Variants in ANOS1 observed in about 807,000 individuals in gnomAD.
ANOS1 encodes anosmin 1, also known as anosmin-1.
Under a neutral mutation model 59.0 loss-of-function variants are expected in ANOS1, and 6 were observed. The observed-to-expected ratio is 0.10, with a 90% CI of 0.06 to 0.20. The LOEUF (loss-of-function observed/expected upper bound fraction) is 0.20. Ranked by LOEUF, ANOS1 falls within the 10% of genes least tolerant of loss-of-function variation. ANOS1 has a pLI of 1.00. For missense variants in ANOS1, 433 were observed against 542.3 expected (o/e 0.80, Z 2.00); for synonymous variants, 217 against 223.4 (o/e 0.97, Z 0.25).
chrX:8,665,699 AT>A (rs1932122616), intron 2 of ANOS1, among the ~76,000 whole-genome samples: 1 of 112,392 alleles, frequency 8.9e-6, no homozygotes, highest in Admixed American at 9.4e-5. Context: ...TCACTTAAAC[AT>A]TTTTTAAATT....
chrX:8,606,434 G>A (rs1489752253), intron 3 of ANOS1, among the ~76,000 whole-genome samples: 4 of 112,311 alleles, frequency 3.6e-5, no homozygotes, highest in African/African-American at 1.3e-4. Flanking sequence ...AAACCTATGA[G>A]TGTGACTTAT....
At chrX:8,581,635 C>T (rs1930426725) in intron 6 of ANOS1, among the ~76,000 whole-genome samples, 1 of 111,683 alleles carries the variant, frequency 9.0e-6, no homozygotes, top group Non-Finnish European at 1.9e-5. Context: ...GAAGACACTC[C>T]CTCCAGGATA....
chrX:8,539,414 A>G (rs1418991679), intron 10 of ANOS1, among the ~76,000 whole-genome samples: 1 of 109,325 alleles, frequency 9.1e-6, no homozygotes, highest in Admixed American at 9.9e-5. Flanking sequence ...GAGTTCTTTA[A>G]GAACTGTGTC....
chrX:8,723,476 T>C (rs1569091446), intron 1 of ANOS1, among the ~76,000 whole-genome samples: 1 of 112,207 alleles, frequency 8.9e-6, no homozygotes, highest in East Asian at 2.8e-4. Context: ...TCAACATCAC[T>C]AGTGATCAGG....
At chrX:8,715,862 G>A (rs1263983526) in intron 1 of ANOS1, among the ~76,000 whole-genome samples, 1 of 109,699 alleles carries the variant, frequency 9.1e-6, no homozygotes, top group Non-Finnish European at 1.9e-5. Context: ...CTCTCAAGCG[G>A]CTGGGGCTAC....
chrX:8,546,515 TAGTA>T (rs1172862304), intron 9 of ANOS1, among the ~76,000 whole-genome samples: 1 of 112,141 alleles, frequency 8.9e-6, no homozygotes, highest in African/African-American at 3.2e-5. Context: ...CAGCTCCTAA[TAGTA>T]AGTGTGTGTG....
intron 4 of ANOS1, among the ~76,000 whole-genome samples, chrX:8,588,306 T>G (rs923570809): frequency 8.9e-6 from 1 of 111,900 alleles, no homozygotes; most frequent in African/African-American, 3.2e-5. Context: ...TAAATCATGT[T>G]ACAAGGTTGT....
chrX:8,685,612 GAAAGAAAGAAAGAAAGAAA>G (rs2146889581), intron 2 of ANOS1, among the ~76,000 whole-genome samples: 1 of 79,962 alleles, frequency 1.3e-5, no homozygotes, highest in African/African-American at 5.7e-5. Flanking sequence ...AAGAAAGAAA[GAAAGAAAGAAAGAAAGAAA>G]GAAAGAAAGA....
At chrX:8,631,140 A>AGGT (rs1256274958) in intron 2 of ANOS1, among the ~76,000 whole-genome samples, 2 of 112,315 alleles carry the variant, frequency 1.8e-5, no homozygotes, top group Non-Finnish European at 3.8e-5. Context: ...AGCGAGTTAG[A>AGGT]GGTGTCCAGG....
rs773880120 is a variant in ANOS1 at position 8,534,370 on chromosome X, C to T, written c.1933G>A (p.Ala645Thr). The T allele has an allele frequency of 3.4e-5, 41 of 1,209,064 alleles. No homozygotes were observed. The South Asian group carries it at 6.7e-4, about 20-fold the overall frequency. Residue 645 changes from alanine (A) to threonine (T), a missense_variant, in exon 13 of 14, where the codon GCC (alanine) becomes ACC (threonine). Ala to Thr is a moderately conservative substitution (Grantham distance 58). Transcript: ENST00000262648. ...GGCGTCCGGAACGTCTTGATGGTGG[C>T]CGGCCCCTCCCCTCCTGGGGTCAGC... is the stretch of plus-strand genomic sequence containing the variant. Reference protein sequence around the residue: ...QVLTPGGEGPATIKTFRTPEL... With the variant: ...QVLTPGGEGPTTIKTFRTPEL...
At chrX:8,728,837 C>T (rs1602048860) in intron 1 of ANOS1, among the ~76,000 whole-genome samples, 1 of 111,923 alleles carries the variant, frequency 8.9e-6, no homozygotes, top group Non-Finnish European at 1.9e-5. Flanking sequence ...GCATTCCCAC[C>T]CCCATGCCTC....
intron 2 of ANOS1, among the ~76,000 whole-genome samples, chrX:8,682,880 G>T (rs894272259): frequency 9.0e-6 from 1 of 111,568 alleles, no homozygotes; most frequent in African/African-American, 3.3e-5. Flanking sequence ...GCTGAAAAAT[G>T]TGCCAAAAAT....
rs566730525 is a variant in ANOS1, at chrX:8,607,071, T to G, written c.319-9815A>C. On this transcript the variant is annotated intron_variant, in intron 3 of 13. Coordinates refer to ENST00000262648, the MANE Select transcript of ANOS1 (RefSeq NM_000216.4). The stretch of plus-strand genomic sequence containing the variant: ...GACGGAGGTTGCAGTGAGCCAAGAT[T>G]GCACAATTGCACTCCGGCCTGGGCA... Among the ~76,000 whole-genome samples the G allele has an allele frequency of 8.9e-5, 10 of 112,111 alleles. No homozygotes were observed. The East Asian group carries it at 2.0e-3, about 22-fold the overall frequency.
chrX:8,645,177 A>C (rs1330968536), intron 2 of ANOS1, among the ~76,000 whole-genome samples: 1 of 112,678 alleles, frequency 8.9e-6, no homozygotes, highest in East Asian at 2.8e-4. Context: ...CATGCCCCTC[A>C]ATAGGCAGCT....
chrX:8,556,392 T>A (rs891193597), intron 8 of ANOS1, among the ~76,000 whole-genome samples: 1 of 106,915 alleles, frequency 9.4e-6, no homozygotes, highest in Non-Finnish European at 2.0e-5. Flanking sequence ...AGTCAAATTG[T>A]CTCTGTTTGC....
intron 2 of ANOS1, among the ~76,000 whole-genome samples, chrX:8,662,820 G>A (rs1293388576): frequency 2.7e-5 from 3 of 111,307 alleles, no homozygotes; most frequent in East Asian, 2.8e-4. Context: ...TCAGGAGTTC[G>A]AGATCAGTCT....
chrX:8,610,585 T>C (rs976405622), intron 3 of ANOS1, among the ~76,000 whole-genome samples: 1 of 111,617 alleles, frequency 9.0e-6, no homozygotes, highest in Non-Finnish European at 1.9e-5. Context: ...GACTTGAATG[T>C]GCATGGCTTC....
intron 6 of ANOS1, among the ~76,000 whole-genome samples, chrX:8,579,096 T>C (rs753077684): frequency 1.8e-5 from 2 of 113,002 alleles, no homozygotes; most frequent in East Asian, 5.5e-4. Flanking sequence ...TTACTTTATT[T>C]GTAAAAATAC....
intron 4 of ANOS1, among the ~76,000 whole-genome samples, chrX:8,592,399 G>A (rs1224557029): frequency 1.8e-5 from 2 of 111,611 alleles, no homozygotes; most frequent in Non-Finnish European, 3.8e-5. Context: ...TCTATGATCG[G>A]GTCTTTTTGA....
Sources: gnomAD v4.1 joint callset for allele counts (sites outside exome capture counted in the v4.1 genomes callset) on GRCh38, gnomAD v4.1.1 for gene constraint, MANE v1.5 for transcripts, NCBI Gene and HGNC (gene_info 2026-07-23, HGNC 2026-07-21) for gene names.